Variants in APPL1 observed in about 807,000 individuals in gnomAD.
APPL1 encodes the protein DCC-interacting protein 13-alpha.
APPL1 carries 42 observed loss-of-function variants against 106.8 expected under a neutral mutation model. The ratio of observed to expected loss-of-function variants is 0.39; its 90% confidence interval spans 0.31 to 0.51. The LOEUF is 0.51. APPL1 is among the 20% of genes least tolerant of loss of function. APPL1 has a pLI of 0.75. For synonymous variants in APPL1, 263 were observed against 281.8 expected (o/e 0.93, Z 0.67); for missense variants, 769 against 858.2 (o/e 0.90, Z 1.30).
chr3:57,248,140 T>G, intron 9 of APPL1, 53 bp from the exon 10 acceptor site: 1 of 1,553,008 alleles, frequency 6.4e-7, no homozygotes, highest in Non-Finnish European at 8.7e-7. Context: ...ACATGATTGG[T>G]AAGGAGTTCT....
In APPL1 at chr3:57,237,531, T is replaced by C. The variant is rs1487201896; in HGVS notation, c.193T>C (p.Leu65=). 1 of 1,601,350 alleles carries C rather than the reference T, an allele frequency of 6.2e-7. No homozygotes were observed. The highest frequency in any genetic ancestry group is 1.3e-5 in the African/African-American group (1 of 74,760). The part of the protein sequence containing the change: ...SAATHLTSKL[L]KEYEKQRFPL... ...AGCAACACACCTGACCTCAAAACTT[T>C]TAAAAGAATATGAAAAACAGGTATT... The change falls in exon 3 of 22, where the codon TTA becomes CTA. Residue 65 remains leucine, a synonymous_variant. Coordinates refer to ENST00000288266, the MANE Select transcript of APPL1 (RefSeq NM_012096.3).
At chr3:57,252,969 G>GATCT (rs2060813314) in intron 12 of APPL1, among the ~76,000 whole-genome samples, 1 of 152,262 alleles carries the variant, frequency 6.6e-6, no homozygotes, top group South Asian at 2.1e-4. Context: ...ATGCTATAGA[G>GATCT]ATCTACCTTT....
chr3:57,240,596 C>T, intron 5 of APPL1, 44 bp downstream of exon 5: 1 of 1,504,804 alleles, frequency 6.6e-7, no homozygotes, highest in Non-Finnish European at 9.2e-7. Context: ...GCTGTGAGAT[C>T]AACACTTGTA....
chr3:57,256,984 G>C lies in APPL1; in HGVS notation c.1180G>C (p.Ala394Pro). Residue 394 changes from alanine to proline, a missense_variant, in exon 14 of 22, where the codon GCT becomes CCT. Coordinates refer to ENST00000288266, the MANE Select transcript of APPL1 (RefSeq NM_012096.3). The part of the protein sequence containing the change: ...EETAARVNQS[A>P]LEAVTPSPSF... The stretch of plus-strand genomic sequence containing the variant: ...AACTGCTGCACGAGTAAATCAATCA[G>C]CTCTGGAAGCTGTCACTCCTTCCCC... 2 of 1,614,092 alleles carry C rather than the reference G, an allele frequency of 1.2e-6. No individual in the cohort carries two copies. The highest frequency in any genetic ancestry group is 1.7e-6 in the Non-Finnish European group (2 of 1,180,004).
intron 11 of APPL1, among the ~76,000 whole-genome samples, chr3:57,249,755 A>G (rs2060793491): frequency 6.6e-6 from 1 of 151,996 alleles, no homozygotes; most frequent in African/African-American, 2.4e-5. Flanking sequence ...TGTCAAAGCA[A>G]TGTCATATAG....
chr3:57,271,288 T>C lies in APPL1; in HGVS notation c.*1601T>C, dbSNP rs1335332231. ...ATGATATATAGGATCATGATATTCC[T>C]TCTATCCATGTGCCAAATGGGTGTA... is the stretch of plus-strand genomic sequence containing the variant. On this transcript the variant is annotated 3_prime_UTR_variant, in exon 22 of 22. Transcript: ENST00000288266. The C allele has an allele frequency of 6.6e-6, 1 of 152,644 alleles. No homozygotes were observed. The highest frequency in any genetic ancestry group is 1.5e-5 in the Non-Finnish European group (1 of 68,024). The allele number at this position is 152,644 out of a possible 1,614,324, so 9.5% of individuals were successfully genotyped here.
In APPL1 at chr3:57,228,349, C is replaced by T. The variant is rs985442704; in HGVS notation, c.54+412C>T. Among the ~76,000 whole-genome samples the T allele has an allele frequency of 1.7e-4, 26 of 152,190 alleles. No homozygotes were observed. The highest frequency in any genetic ancestry group is 1.3e-4 in the Non-Finnish European group (9 of 68,038). On this transcript the variant is annotated intron_variant, in intron 1 of 21. Transcript: ENST00000288266. The surrounding 1 kb of genome is among the most constrained non-coding windows in gnomAD (Gnocchi z 4.6). Reference sequence around the variant, plus strand: ...CCCGATAGTCTTATTTAATGATTTCCGAGGCTCAGCAAGCTAAGGAAGGAA... The same window carrying T: ...CCCGATAGTCTTATTTAATGATTTCTGAGGCTCAGCAAGCTAAGGAAGGAA...
intron 5 of APPL1, 82 bp from the exon 6 acceptor site, chr3:57,242,019 T>C (rs989534333): frequency 2.1e-6 from 2 of 948,794 alleles, no homozygotes; most frequent in Non-Finnish European, 3.2e-6. Context: ...GTTTTAATTA[T>C]AGTTTAAGTA....
In APPL1 at chr3:57,235,563, C is replaced by A; in HGVS notation, c.55-3C>A. ...ATAAACTTATTGCTATTGTTTTATA[C>A]AGACAAGGTCTTTACTAGGTGTATT... On this transcript the variant is annotated splice_polypyrimidine_tract_variant and splice_region_variant and intron_variant, in intron 1 of 21. Transcript: ENST00000288266. 1 of 1,583,716 alleles carries A rather than the reference C, an allele frequency of 6.3e-7. No homozygotes were observed. The highest frequency in any genetic ancestry group is 8.7e-7 in the Non-Finnish European group (1 of 1,155,242).
At chr3:57,242,237 AAC>A in intron 6 of APPL1, 95 bp downstream of exon 6, 2 of 955,872 alleles carry the variant, frequency 2.1e-6, no homozygotes, top group Non-Finnish European at 3.1e-6. Flanking sequence ...ATTGAAAAAA[AAC>A]CAATTAAAAA....
intron 11 of APPL1, among the ~76,000 whole-genome samples, chr3:57,251,322 G>A (rs2060803414): frequency 6.6e-6 from 1 of 151,362 alleles, no homozygotes; most frequent in African/African-American, 2.4e-5. Flanking sequence ...TCAGGAGTTT[G>A]AGACCAGCCT....
chr3:57,271,234 T>C lies in APPL1; in HGVS notation c.*1547T>C, dbSNP rs920834390. 6.6e-6 allele frequency: 1 copy of C among 152,590 alleles called. No individual in the cohort carries two copies. The highest frequency in any genetic ancestry group is 1.5e-5 in the Non-Finnish European group (1 of 68,016). 9.5% of individuals were successfully genotyped at this position (152,590 alleles called of 1,614,324 possible). A position where few individuals can be genotyped will look rare whatever the true frequency, so the allele number is the denominator to read the frequency against. ...TAACTCAGCTGTTTCACACTGTATA[T>C]GTACATTGTTTTCTGTAGGAATAGG... On this transcript the variant is annotated 3_prime_UTR_variant, in exon 22 of 22. Transcript: ENST00000288266.
At position 57,269,880 on chromosome 3, in the gene APPL1, C is replaced by T; in HGVS notation, c.*193C>T. ...GCATTGATCTTTTTTCCCCCTTAAA[C>T]ATAATGTACTATGTATTAACATCTA... is the stretch of plus-strand genomic sequence containing the variant. On this transcript the variant is annotated 3_prime_UTR_variant, in exon 22 of 22. Coordinates refer to ENST00000288266, the MANE Select transcript of APPL1 (RefSeq NM_012096.3). 1.7e-6 allele frequency: 1 copy of T among 590,132 alleles called. No homozygotes were observed. Among genetic ancestry groups the T allele is most frequent in the Admixed American group, 3.2e-5 (1 of 31,224 alleles). 36.6% of individuals were successfully genotyped at this position (590,132 alleles called of 1,614,324 possible). A position where few individuals can be genotyped will look rare whatever the true frequency, so the allele number is the denominator to read the frequency against.
chr3:57,269,641 A>G lies in APPL1; in HGVS notation c.2084A>G (p.Glu695Gly), dbSNP rs1435686415. 6.2e-7 allele frequency: 1 copy of G among 1,614,094 alleles called. No homozygotes were observed. Among genetic ancestry groups the G allele is most frequent in the Admixed American group, 1.7e-5 (1 of 60,018 alleles). The change falls in exon 22 of 22, where the codon GAG becomes GGG. Residue 695 changes from glutamate to glycine, a missense_variant. By Grantham distance (98) the Glu-to-Gly change is moderately conservative. Transcript: ENST00000288266. ...GTCCTTAGCAGTAGCCAGTCAGAAG[A>G]GAGTGATTTGGGAGAAGGAGGAAAG... Reference protein sequence around the residue: ...FVVLSSSQSEESDLGEGGKKR... With the variant: ...FVVLSSSQSEGSDLGEGGKKR...
chr3:57,237,436 G>GA (rs1488110878), intron 2 of APPL1, 56 bp from the exon 3 acceptor site: 10 of 1,307,014 alleles, frequency 7.7e-6, no homozygotes, highest in Non-Finnish European at 9.5e-6. Context: ...TATTTAATTA[G>GA]AAAAAACTAA....
At chr3:57,232,641 T>TA (rs2060693105) in intron 1 of APPL1, among the ~76,000 whole-genome samples, 1 of 152,182 alleles carries the variant, frequency 6.6e-6, no homozygotes, top group South Asian at 2.1e-4. Flanking sequence ...AAGAAATACT[T>TA]ACCTCCTCAT....
chr3:57,233,622 A>C (rs1299405565), intron 1 of APPL1, among the ~76,000 whole-genome samples: 1 of 152,122 alleles, frequency 6.6e-6, no homozygotes, highest in Non-Finnish European at 1.5e-5. Flanking sequence ...TGTTTGAAAA[A>C]TATTCTGTCA....
At chr3:57,245,550 T>G (rs2060768513) in intron 7 of APPL1, among the ~76,000 whole-genome samples, 1 of 150,472 alleles carries the variant, frequency 6.6e-6, no homozygotes, top group Admixed American at 6.6e-5. Flanking sequence ...AATATGCAGT[T>G]TTTTTTTTTT....
At position 57,228,349 on chromosome 3, in the gene APPL1, C is replaced by G. The variant is rs985442704; in HGVS notation, c.54+412C>G. ...CCCGATAGTCTTATTTAATGATTTC[C>G]GAGGCTCAGCAAGCTAAGGAAGGAA... On this transcript the variant is annotated intron_variant, in intron 1 of 21. Transcript: ENST00000288266. This position sits in a 1 kb window ranked among gnomAD's most constrained non-coding sequence, Gnocchi z 4.6. Among the ~76,000 whole-genome samples, 1 of 152,190 alleles carries G rather than the reference C, an allele frequency of 6.6e-6. No individual in the cohort carries two copies. The highest frequency in any genetic ancestry group is 2.4e-5 in the African/African-American group (1 of 41,440).
Sources: allele counts gnomAD v4.1 joint callset (sites outside exome capture counted in the v4.1 genomes callset), GRCh38; gene constraint gnomAD v4.1.1; non-coding constraint Gnocchi (gnomAD v3.1); transcripts MANE v1.5; gene names NCBI Gene and HGNC (gene_info 2026-07-23, HGNC 2026-07-21).